Variants in FBXO16 observed in about 807,000 individuals in gnomAD.
The protein encoded by FBXO16 is F-box protein 16.
In FBXO16, 31 loss-of-function variants were observed where a neutral mutation model predicts 41.0. The ratio of observed to expected loss-of-function variants is 0.76; its 90% CI spans 0.57 to 1.02. The LOEUF (loss-of-function observed/expected upper bound fraction) is 1.02. FBXO16 is among the 50% of genes least tolerant of loss of function. The pLI is 0.00. For synonymous variants in FBXO16, 133 were observed against 117.8 expected, an observed-to-expected ratio of 1.13 and a Z score of -0.84; for missense variants, 361 against 346.2, an observed-to-expected ratio of 1.04 and a Z score of -0.34.
chr8:28,460,630 G>T (rs1325517441), intron 4 of FBXO16, among the ~76,000 whole-genome samples: 1 of 151,428 alleles, frequency 6.6e-6, no homozygotes. Flanking sequence ...TCACCATATT[G>T]GCCAGGCTGT....
chr8:28,428,952 T>C (rs189159942), intron 8 of FBXO16, among the ~76,000 whole-genome samples: 192 of 152,254 alleles, frequency 1.3e-3, no homozygotes, highest in African/African-American at 4.3e-3. Context: ...GTGCTCTCAC[T>C]AACTTTATTT....
rs565939124 is a variant in FBXO16, at chr8:28,464,631, A to G, written c.136-813T>C. Among the ~76,000 whole-genome samples the G allele has an allele frequency of 1.1e-3, 162 of 152,308 alleles. 3 individuals carry two copies. The highest frequency in any genetic ancestry group is 3.4e-3 in the African/African-American group (140 of 41,558). ...ATTTTTGTATATTATTGCATTTCAC[A>G]TATATTCAGTACAGTTATTATAAAC... is the stretch of plus-strand genomic sequence containing the variant. On this transcript the variant is annotated intron_variant, in intron 3 of 8. Coordinates refer to ENST00000380254, the MANE Select transcript of FBXO16 (RefSeq NM_172366.4).
chr8:28,458,039 T>C (rs975392151), intron 4 of FBXO16, among the ~76,000 whole-genome samples: 3 of 152,152 alleles, frequency 2.0e-5, no homozygotes, highest in Admixed American at 6.6e-5. Flanking sequence ...GTTGTAAGAG[T>C]TGCAAAGATG....
intron 5 of FBXO16, among the ~76,000 whole-genome samples, chr8:28,452,935 T>TATC (rs1554525998): frequency 7.6e-6 from 1 of 132,318 alleles, no homozygotes; most frequent in Non-Finnish European, 1.7e-5. Flanking sequence ...AAAAAAGGAA[T>TATC]ATCATCATCA....
intron 2 of FBXO16, among the ~76,000 whole-genome samples, chr8:28,479,867 T>C (rs1273745767): frequency 6.6e-6 from 1 of 151,736 alleles, no homozygotes; most frequent in Non-Finnish European, 1.5e-5. Context: ...ACCATAGGCA[T>C]GCACCATCAC....
chr8:28,452,528 C>T (rs530000588), intron 5 of FBXO16, 52 bp from the exon 6 acceptor site: 43 of 1,554,356 alleles, frequency 2.8e-5, no homozygotes, highest in East Asian at 4.5e-5. Flanking sequence ...ACGCTGGGTG[C>T]GGTGGCTCAC....
At chr8:28,437,519 A>T (rs371328427) in intron 7 of FBXO16, among the ~76,000 whole-genome samples, 8 of 152,356 alleles carry the variant, frequency 5.3e-5, no homozygotes, top group East Asian at 3.9e-4. Context: ...CACATAGCAC[A>T]TAATCCATGG....
intron 2 of FBXO16, among the ~76,000 whole-genome samples, chr8:28,474,968 C>T (rs182724267): frequency 5.3e-5 from 8 of 152,210 alleles, no homozygotes; most frequent in Admixed American, 1.3e-4. Flanking sequence ...CGTGGGGACA[C>T]GTGGCAGAGA....
chr8:28,440,790 G>T (rs939239908), intron 7 of FBXO16, among the ~76,000 whole-genome samples: 1 of 152,130 alleles, frequency 6.6e-6, no homozygotes, highest in African/African-American at 2.4e-5. Context: ...GCTCTGAAAC[G>T]GCAGGCTTTT....
At chr8:28,438,711 G>C (rs902593776) in intron 7 of FBXO16, among the ~76,000 whole-genome samples, 1 of 152,226 alleles carries the variant, frequency 6.6e-6, no homozygotes, top group Admixed American at 6.5e-5. Context: ...GAGGCTCAGA[G>C]AGGTTACACA....
At chr8:28,433,068 A>C (rs58832167) in intron 7 of FBXO16, among the ~76,000 whole-genome samples, 3 of 137,544 alleles carry the variant, frequency 2.2e-5, no homozygotes, top group East Asian at 3.1e-4. Flanking sequence ...CCAAAAAAAA[A>C]AAAAACAAAC....
At chr8:28,458,032 G>T (rs1017485604) in intron 4 of FBXO16, among the ~76,000 whole-genome samples, 3 of 152,226 alleles carry the variant, frequency 2.0e-5, no homozygotes. Flanking sequence ...TGTCTTAGTT[G>T]TAAGAGTTGC....
At chr8:28,474,875 G>C (rs1250406205) in intron 2 of FBXO16, among the ~76,000 whole-genome samples, 2 of 152,230 alleles carry the variant, frequency 1.3e-5, no homozygotes, top group Non-Finnish European at 2.9e-5. Context: ...TACAATGTGA[G>C]TATCTTTACA....
At chr8:28,455,083 T>C (rs1189259176) in intron 5 of FBXO16, among the ~76,000 whole-genome samples, 1 of 68,716 alleles carries the variant, frequency 1.5e-5, no homozygotes, top group Non-Finnish European at 3.2e-5. Flanking sequence ...TTACATTGAT[T>C]TTTTTTTTTT....
At position 28,463,770 on chromosome 8, in the gene FBXO16, A is replaced by G. The variant is rs1208886077; in HGVS notation, c.184T>C (p.Leu62=). The G allele has an allele frequency of 1.9e-6, 3 of 1,614,010 alleles. No individual in the cohort carries two copies. Among genetic ancestry groups the G allele is most frequent in the Non-Finnish European group, 1.7e-6 (2 of 1,179,976 alleles). The stretch of plus-strand genomic sequence containing the variant: ...TGCTGGGACAGCGAGCAGCGCTCCA[A>G]CAGGCCTGTGAGGATTCTTCTTCTT... ...SQRRRILTGL[L]ERCSLSQQKF... is the part of the protein sequence containing the mutation. The change falls in exon 4 of 9, where the codon TTG becomes CTG. Residue 62 remains leucine, a synonymous_variant. Transcript: ENST00000380254.
intron 3 of FBXO16, among the ~76,000 whole-genome samples, chr8:28,464,691 T>C (rs1031483856): frequency 1.3e-5 from 2 of 152,230 alleles, no homozygotes; most frequent in Non-Finnish European, 2.9e-5. Context: ...TCTCACTCTG[T>C]TGCCTAGATT....
intron 7 of FBXO16, among the ~76,000 whole-genome samples, chr8:28,437,860 G>A (rs1046328650): frequency 1.3e-5 from 2 of 152,272 alleles, no homozygotes; most frequent in Non-Finnish European, 1.5e-5. Flanking sequence ...GCAACAGAGC[G>A]AGACTCTGTC....
intron 7 of FBXO16, among the ~76,000 whole-genome samples, chr8:28,444,779 CTTTTTTTTT>C (rs71549666): frequency 9.1e-4 from 28 of 30,826 alleles, no homozygotes; most frequent in African/African-American, 7.5e-4. Context: ...CGCGCCCGGA[CTTTTTTTTT>C]TTTTTTTTTT....
rs537094774 is a variant in FBXO16, at chr8:28,431,336, G to A, written c.844-1933C>T. On this transcript the variant is annotated intron_variant, in intron 7 of 8. Coordinates refer to ENST00000380254, the MANE Select transcript of FBXO16 (RefSeq NM_172366.4). The stretch of plus-strand genomic sequence containing the variant: ...TTCGGCCACCATTCCTTGTGGTCCC[G>A]GAACACAAGCTGACAGACCCTCTTC... Among the ~76,000 whole-genome samples, 9 of 152,234 alleles carry A rather than the reference G, an allele frequency of 5.9e-5. No homozygotes were observed. The South Asian group carries it at 1.5e-3, about 25-fold the overall frequency.
Sources: allele counts gnomAD v4.1 joint callset (sites outside exome capture counted in the v4.1 genomes callset), GRCh38; gene constraint gnomAD v4.1.1; transcripts MANE v1.5; gene names NCBI Gene and HGNC (gene_info 2026-07-23, HGNC 2026-07-21).